The following STRN variants were observed in gnomAD, a reference collection of about 807,000 sequenced individuals.
STRN encodes protein phosphatase 2 regulatory subunit B'''alpha.
In STRN, 53 loss-of-function variants were observed where a neutral mutation model predicts 96.3. The ratio of observed to expected loss-of-function variants is 0.55; its 90% confidence interval spans 0.44 to 0.69. The LOEUF (loss-of-function observed/expected upper bound fraction) is 0.69. Ranked by LOEUF, STRN falls within the 30% of genes least tolerant of loss-of-function variation. STRN has a pLI of 0.00. For synonymous variants in STRN, 428 were observed against 355.9 expected (o/e 1.20, Z -2.28); for missense variants, 987 against 963.9 (o/e 1.02, Z -0.32).
At chr2:36,944,261 A>C (rs1670924154) in intron 1 of STRN, among the ~76,000 whole-genome samples, 2 of 152,204 alleles carry the variant, frequency 1.3e-5, no homozygotes, top group Admixed American at 1.3e-4. Flanking sequence ...TAACGAAAAA[A>C]CGTTATAAAG....
At chr2:36,864,278 G>A (rs567096965) in intron 12 of STRN, among the ~76,000 whole-genome samples, 1 of 152,280 alleles carries the variant, frequency 6.6e-6, no homozygotes, top group East Asian at 1.9e-4. Context: ...GTATGATTTT[G>A]CAGGCTGTGA....
At chr2:36,961,805 T>A (rs551490502) in intron 1 of STRN, among the ~76,000 whole-genome samples, 2 of 152,274 alleles carry the variant, frequency 1.3e-5, no homozygotes, top group African/African-American at 4.8e-5. Context: ...ACATGACTTC[T>A]TCCATTAGTA....
intron 1 of STRN, among the ~76,000 whole-genome samples, chr2:36,960,050 G>C (rs907474597): frequency 6.6e-6 from 1 of 152,158 alleles, no homozygotes; most frequent in Non-Finnish European, 1.5e-5. Flanking sequence ...TCAAGAATAT[G>C]AGTAGAATGA....
chr2:36,963,741 G>A (rs949086013), intron 1 of STRN, among the ~76,000 whole-genome samples: 5 of 152,066 alleles, frequency 3.3e-5, no homozygotes, highest in African/African-American at 1.2e-4. Context: ...GCAGATCACT[G>A]AGGTCAGTAG....
At chr2:36,912,752 G>A (rs1669996192) in intron 3 of STRN, among the ~76,000 whole-genome samples, 1 of 152,094 alleles carries the variant, frequency 6.6e-6, no homozygotes, top group Non-Finnish European at 1.5e-5. Flanking sequence ...TTAAGCTCAA[G>A]ACCCATATAC....
chr2:36,849,806 G>GA lies in STRN; in HGVS notation c.2087-7dup, dbSNP rs749636042. 6.2e-7 allele frequency: 1 copy of GA among 1,613,634 alleles called. No homozygotes were observed. Among genetic ancestry groups the GA allele is most frequent in the Non-Finnish European group, 8.5e-7 (1 of 1,179,756 alleles). On this transcript the variant is annotated splice_region_variant and splice_polypyrimidine_tract_variant and intron_variant, in intron 16 of 17. Transcript: ENST00000263918. ...CATCGAGTGGATCAGTTTGCCTTTG[G>GA]AAAAAGAGATTGTTACTCCTTATTA...
chr2:36,922,093 T>C (rs1670274474), intron 2 of STRN, among the ~76,000 whole-genome samples: 1 of 152,120 alleles, frequency 6.6e-6, no homozygotes, highest in African/African-American at 2.4e-5. Flanking sequence ...GCAAATGATT[T>C]AGGGGAAAAA....
chr2:36,966,214 C>G lies in STRN; in HGVS notation c.234+16G>C. On this transcript the variant is annotated intron_variant, in intron 1 of 17. Coordinates refer to ENST00000263918, the MANE Select transcript of STRN (RefSeq NM_003162.4). ...AAGAGGCGGGATGAAGACGGCCAGG[C>G]CGGGAGGGTCTTTACCTGCAGCTCC... is the stretch of plus-strand genomic sequence containing the variant. 6.5e-7 allele frequency: 1 copy of G among 1,543,904 alleles called. No individual in the cohort carries two copies. The highest frequency in any genetic ancestry group is 8.7e-7 in the Non-Finnish European group (1 of 1,146,658).
intron 9 of STRN, among the ~76,000 whole-genome samples, chr2:36,881,407 C>T (rs999847770): frequency 2.5e-4 from 38 of 151,976 alleles, no homozygotes; most frequent in Non-Finnish European, 4.7e-4. Flanking sequence ...GGATTACAGG[C>T]GTGAGCAACT....
Position 36,857,844 on chromosome 2 carries a change from TA to T in STRN, c.1837+11del, listed in dbSNP as rs1283806107. The T allele has an allele frequency of 6.3e-7, 1 of 1,596,996 alleles. No homozygotes were observed. Among genetic ancestry groups the T allele is most frequent in the Non-Finnish European group, 8.6e-7 (1 of 1,168,376 alleles). On this transcript the variant is annotated intron_variant, in intron 14 of 17. Transcript: ENST00000263918. ...TAGAGGATTCAGCAAAATAATTTTT[TA>T]AAGTATGTACCTTTAGTATCATTAA...
chr2:36,882,140 T>C (rs1669089344), intron 9 of STRN, among the ~76,000 whole-genome samples: 1 of 152,140 alleles, frequency 6.6e-6, no homozygotes, highest in African/African-American at 2.4e-5. Context: ...AAAATCTAGA[T>C]ACATCTAAAT....
Position 36,916,496 on chromosome 2 carries a change from T to TA in STRN, c.339-346dup, listed in dbSNP as rs150467954. ...GCTAAATTTTACTATCAAAAACAGT[T>TA]AAAAAAAAAAAAAAGGTTTGGATTG... On this transcript the variant is annotated intron_variant, in intron 2 of 17. Coordinates refer to ENST00000263918, the MANE Select transcript of STRN (RefSeq NM_003162.4). 5.5e-3 allele frequency among the ~76,000 whole-genome samples: 750 copies of TA among 135,942 alleles called. 5 individuals are homozygous for TA. Among genetic ancestry groups the TA allele is most frequent in the East Asian group, 6.9e-3 (33 of 4,812 alleles). 89.2% of individuals were successfully genotyped at this position (135,942 alleles called of 152,430 possible). A position where few individuals can be genotyped will look rare whatever the true frequency, so the allele number is the denominator to read the frequency against.
chr2:36,951,808 C>T (rs913699444), intron 1 of STRN, among the ~76,000 whole-genome samples: 2 of 152,156 alleles, frequency 1.3e-5, no homozygotes, highest in African/African-American at 4.8e-5. Context: ...ACCCCTGGGC[C>T]ACTGACCGAT....
At chr2:36,945,889 T>C (rs17497343) in intron 1 of STRN, among the ~76,000 whole-genome samples, 57,858 of 151,956 alleles carry the variant, frequency 0.38, 11,275 homozygotes, top group East Asian at 0.66. Context: ...ACATGCCACA[T>C]AGTAATTCTT....
chr2:36,962,323 T>TA (rs1275272290), intron 1 of STRN, among the ~76,000 whole-genome samples: 1 of 152,094 alleles, frequency 6.6e-6, no homozygotes, highest in Non-Finnish European at 1.5e-5. Flanking sequence ...CTCTAACACT[T>TA]ACAGGTAAAT....
chr2:36,912,350 A>T (rs1669984313), intron 3 of STRN, among the ~76,000 whole-genome samples: 3 of 152,084 alleles, frequency 2.0e-5, no homozygotes, highest in Admixed American at 6.6e-5. Flanking sequence ...GCTTCCTGAA[A>T]GCTAACTATA....
intron 6 of STRN, 38 bp from the exon 7 acceptor site, chr2:36,894,071 G>C: frequency 6.3e-7 from 1 of 1,591,344 alleles, no homozygotes; most frequent in Non-Finnish European, 8.5e-7. Context: ...AAAGGAGATA[G>C]TTTCCCTTTA....
intron 1 of STRN, among the ~76,000 whole-genome samples, chr2:36,954,791 C>A (rs991576554): frequency 6.6e-6 from 1 of 151,958 alleles, no homozygotes; most frequent in Non-Finnish European, 1.5e-5. Flanking sequence ...GCATGTGCCA[C>A]AACGCCCAGC....
chr2:36,876,144 C>G (rs115465470), intron 10 of STRN, among the ~76,000 whole-genome samples: 2,093 of 151,140 alleles, frequency 0.014, 25 homozygotes, highest in Non-Finnish European at 0.022. Context: ...ATGGTGCGTG[C>G]CTATGGTCCC....
Sources: gnomAD v4.1 joint callset for allele counts (sites outside exome capture counted in the v4.1 genomes callset) on GRCh38, gnomAD v4.1.1 for gene constraint, MANE v1.5 for transcripts, NCBI Gene and HGNC (gene_info 2026-07-23, HGNC 2026-07-21) for gene names.